The following DNAH11 variants were observed in gnomAD, a reference collection of about 807,000 sequenced individuals.
DNAH11 encodes the protein dynein axonemal heavy chain 11, also known as axonemal beta dynein heavy chain 11.
Under a neutral mutation model 526.0 loss-of-function variants are expected in DNAH11, and 442 were observed. That is an observed-to-expected ratio of 0.84 (90% CI 0.78 to 0.91). DNAH11 has a LOEUF of 0.91. Among genes scored for constraint, DNAH11 ranks in the 40% least tolerant of loss-of-function variants. The pLI is 0.00. For synonymous variants in DNAH11, 2,461 were observed against 1,935.9 expected, an observed-to-expected ratio of 1.27 and a Z score of -7.12; for missense variants, 6,989 against 5,448.7, an observed-to-expected ratio of 1.28 and a Z score of -8.90.
At chr7:21,811,563 G>A (rs1009863807) in intron 63 of DNAH11, among the ~76,000 whole-genome samples, 4 of 152,132 alleles carry the variant, frequency 2.6e-5, no homozygotes, top group African/African-American at 9.7e-5. Context: ...ACCAGGGGCT[G>A]GCAGAGGGAG....
chr7:21,570,510 G>T (rs575870537), intron 7 of DNAH11: 6 of 440,818 alleles, frequency 1.4e-5, no homozygotes, highest in Admixed American at 8.0e-5. Context: ...GTTCATTTTT[G>T]ATTCCATTAT....
intron 30 of DNAH11, among the ~76,000 whole-genome samples, chr7:21,669,429 C>T (rs965910438): frequency 2.6e-5 from 4 of 152,092 alleles, no homozygotes; most frequent in African/African-American, 9.7e-5. Context: ...CCTCGGCCTC[C>T]CAAAGTGTTG....
intron 71 of DNAH11, 145 bp downstream of exon 71, chr7:21,866,808 C>A (rs1395585571): frequency 7.6e-6 from 7 of 919,526 alleles, no homozygotes; most frequent in Middle Eastern, 3.0e-4. Context: ...ATAATCACTG[C>A]TACTGTTAAA....
intron 25 of DNAH11, among the ~76,000 whole-genome samples, chr7:21,628,996 G>A (rs989248255): frequency 1.3e-5 from 2 of 151,936 alleles, no homozygotes; most frequent in Non-Finnish European, 1.5e-5. Context: ...GTATTGTTAG[G>A]TTGTTGATTT....
chr7:21,768,611 T>A (rs368587847), intron 55 of DNAH11, among the ~76,000 whole-genome samples: 2 of 152,140 alleles, frequency 1.3e-5, no homozygotes, highest in African/African-American at 2.4e-5. Flanking sequence ...TGACACAAAC[T>A]CCGTATCATC....
intron 30 of DNAH11, among the ~76,000 whole-genome samples, chr7:21,673,023 C>A (rs936534543): frequency 6.6e-6 from 1 of 152,114 alleles, no homozygotes; most frequent in Admixed American, 6.6e-5. Context: ...AAGATTGTGT[C>A]TTTTCCTTTT....
At chr7:21,611,994 C>A (rs145751285) in intron 20 of DNAH11, among the ~76,000 whole-genome samples, 64 of 152,102 alleles carry the variant, frequency 4.2e-4, no homozygotes, top group African/African-American at 1.5e-3. Flanking sequence ...CTGGTGAAAT[C>A]ATCAAGGGAA....
At position 21,681,356 on chromosome 7, in the gene DNAH11, C is replaced by T. The variant is rs139938059; in HGVS notation, c.5329-190C>T. Reference sequence around the variant, plus strand: ...GCAGGAGAATTGCTTGAACCCAGGACGCAGAGGTTGCAGTGAGCAGAGATC... The same window carrying T: ...GCAGGAGAATTGCTTGAACCCAGGATGCAGAGGTTGCAGTGAGCAGAGATC... On this transcript the variant is annotated intron_variant, in intron 30 of 81. Transcript: ENST00000409508. Among the ~76,000 whole-genome samples, 12,332 of 151,674 alleles carry T rather than the reference C, an allele frequency of 0.081. 531 individuals carry two copies. Among genetic ancestry groups the T allele is most frequent in the East Asian group, 0.14 (713 of 5,158 alleles).
At chr7:21,793,484 C>T (rs1415708879) in intron 61 of DNAH11, among the ~76,000 whole-genome samples, 1 of 152,152 alleles carries the variant, frequency 6.6e-6, no homozygotes, top group African/African-American at 2.4e-5. Flanking sequence ...GGCGTGGTGG[C>T]ACGCCCTTGT....
At chr7:21,605,385 T>C (rs1026829067) in intron 18 of DNAH11, among the ~76,000 whole-genome samples, 9 of 152,204 alleles carry the variant, frequency 5.9e-5, no homozygotes, top group Non-Finnish European at 1.2e-4. Context: ...AAGGAATGCT[T>C]TTCAACAGTA....
intron 68 of DNAH11, among the ~76,000 whole-genome samples, chr7:21,856,910 A>T (rs1232859780): frequency 6.6e-6 from 1 of 152,232 alleles, no homozygotes; most frequent in East Asian, 1.9e-4. Context: ...CTTTTCGCTA[A>T]AATCAGGAAC....
Position 21,600,502 on chromosome 7 carries a change from A to G in DNAH11, c.3001-174A>G, listed in dbSNP as rs186558300. Reference sequence around the variant, plus strand: ...AAACCACCAGAAAACAAAACCCAGAACAAATTAGGAAAATGGGAAGCACAG... The same window carrying G: ...AAACCACCAGAAAACAAAACCCAGAGCAAATTAGGAAAATGGGAAGCACAG... On this transcript the variant is annotated intron_variant, in intron 15 of 81. Transcript: ENST00000409508. Among the ~76,000 whole-genome samples the G allele has an allele frequency of 2.2e-3, 330 of 152,230 alleles. 1 individual carries two copies. The highest frequency in any genetic ancestry group is 6.8e-3 in the Middle Eastern group (2 of 294).
At chr7:21,724,599 T>G (rs1350306508) in intron 44 of DNAH11, among the ~76,000 whole-genome samples, 1 of 147,546 alleles carries the variant, frequency 6.8e-6, no homozygotes, top group Non-Finnish European at 1.5e-5. Context: ...CCAGGTCTCC[T>G]GTGGATATAA....
intron 29 of DNAH11, among the ~76,000 whole-genome samples, chr7:21,657,370 A>C (rs1411090487): frequency 1.3e-5 from 2 of 152,254 alleles, no homozygotes; most frequent in Admixed American, 1.3e-4. Flanking sequence ...TGGAGGTAGC[A>C]ATTGTTGTTA....
rs1036067627 is a variant in DNAH11 at position 21,617,884 on chromosome 7, G to T, written c.4254+107G>T. On this transcript the variant is annotated intron_variant, in intron 23 of 81. Coordinates refer to ENST00000409508, the MANE Select transcript of DNAH11 (RefSeq NM_001277115.2). ...GTAATTTATGAAAAGACCCCCCTCAGCATAGCCTCTACTTGCTGTGTTATG... is the reference window on the plus strand; with the variant it reads ...GTAATTTATGAAAAGACCCCCCTCATCATAGCCTCTACTTGCTGTGTTATG... 7.4e-5 allele frequency: 88 copies of T among 1,193,080 alleles called. No individual in the cohort carries two copies. The African/African-American group carries it at 1.1e-3, about 15-fold the overall frequency. The allele number at this position is 1,193,080 out of a possible 1,614,324, so 73.9% of individuals were successfully genotyped here. A position where few individuals can be genotyped will look rare whatever the true frequency, so the allele number is the denominator to read the frequency against.
rs116227429 is a variant in DNAH11 at position 21,564,881 on chromosome 7, C to T, written c.1194+484C>T. On this transcript the variant is annotated intron_variant, in intron 6 of 81. Transcript: ENST00000409508. ...TTTGTAATTGTGTCTCTATTCCTTA[C>T]TCAACCTGCAAAATGTTAAAAAAAA... is the stretch of plus-strand genomic sequence containing the variant. Among the ~76,000 whole-genome samples, 527 of 151,370 alleles carry T rather than the reference C, an allele frequency of 3.5e-3. 5 individuals carry two copies. Among genetic ancestry groups the T allele is most frequent in the African/African-American group, 0.012 (504 of 41,068 alleles).
In DNAH11 at chr7:21,866,681, T is replaced by G; in HGVS notation, c.11690+18T>G. The stretch of plus-strand genomic sequence containing the variant: ...GCTCTCAGGTGGGGTGGTCAGCATT[T>G]TTGGAAACATGTATTAGTTAACATA... On this transcript the variant is annotated intron_variant, in intron 71 of 81. Transcript: ENST00000409508. 6.3e-7 allele frequency: 1 copy of G among 1,593,534 alleles called. No individual in the cohort carries two copies. Among genetic ancestry groups the G allele is most frequent in the Non-Finnish European group, 8.5e-7 (1 of 1,170,830 alleles).
chr7:21,620,602 C>T (rs542120763), intron 25 of DNAH11, among the ~76,000 whole-genome samples: 55 of 151,794 alleles, frequency 3.6e-4, no homozygotes, highest in Middle Eastern at 6.8e-3. Flanking sequence ...TTAGGGTACA[C>T]GCGCACAATG....
At chr7:21,587,979 A>G (rs1784533047) in intron 9 of DNAH11, 85 bp from the exon 10 acceptor site, 3 of 1,296,862 alleles carry the variant, frequency 2.3e-6, no homozygotes, top group African/African-American at 1.5e-5. Flanking sequence ...TTAGTCATGT[A>G]AGAGGTTTGA....
Sources: gnomAD v4.1 joint callset for allele counts (sites outside exome capture counted in the v4.1 genomes callset) on GRCh38, gnomAD v4.1.1 for gene constraint, MANE v1.5 for transcripts, NCBI Gene and HGNC (gene_info 2026-07-23, HGNC 2026-07-21) for gene names.